Variants in CPD observed in about 807,000 individuals in gnomAD.
The protein encoded by CPD is carboxypeptidase D, also known as metallocarboxypeptidase D.
CPD carries 69 observed loss-of-function variants against 138.3 expected under a neutral mutation model. That is an observed-to-expected ratio of 0.50 (90% confidence interval 0.41 to 0.61). The LOEUF (loss-of-function observed/expected upper bound fraction) is 0.61, where lower values mean the gene tolerates loss of function less well. CPD is among the 20% of genes least tolerant of loss of function. The pLI is 0.00. For missense variants in CPD, 1,432 were observed against 1,733.3 expected, an observed-to-expected ratio of 0.83 and a Z score of 3.09; for synonymous variants, 651 against 642.1, an observed-to-expected ratio of 1.01 and a Z score of -0.21.
chr17:30,469,963 C>A lies in CPD; in HGVS notation c.*5149C>A, dbSNP rs977274158. 6.6e-6 allele frequency: 1 copy of A among 151,948 alleles called. No homozygotes were observed. The highest frequency in any genetic ancestry group is 1.5e-5 in the Non-Finnish European group (1 of 67,982). The allele number at this position is 151,948 out of a possible 1,614,324, so 9.4% of individuals were successfully genotyped here. Reference sequence around the variant, plus strand: ...ATTTATAATAGCTGATTGTTCTCAGCAAATTAAACATGATGGTCAACGCTA... The same window carrying A: ...ATTTATAATAGCTGATTGTTCTCAGAAAATTAAACATGATGGTCAACGCTA... On this transcript the variant is annotated 3_prime_UTR_variant, in exon 21 of 21. Transcript: ENST00000225719.
At chr17:30,437,517 C>G (rs1431920070) in intron 8 of CPD, among the ~76,000 whole-genome samples, 1 of 151,858 alleles carries the variant, frequency 6.6e-6, no homozygotes, top group African/African-American at 2.4e-5. Context: ...AAACCCCATC[C>G]CTACAAAAAA....
chr17:30,456,152 A>C, intron 15 of CPD, 104 bp from the exon 16 acceptor site: 1 of 855,916 alleles, frequency 1.2e-6, no homozygotes, highest in Non-Finnish European at 1.8e-6. Context: ...AGTGGAGTGC[A>C]AAATTTATTA....
chr17:30,384,202 C>A (rs1348358665), intron 1 of CPD, among the ~76,000 whole-genome samples: 2 of 152,126 alleles, frequency 1.3e-5, no homozygotes, highest in Non-Finnish European at 2.9e-5. Flanking sequence ...AAGCAGCTCA[C>A]TGAATCAGGT....
At chr17:30,453,952 C>T (rs1278015863) in intron 14 of CPD, 1 of 152,240 alleles carries the variant, frequency 6.6e-6, no homozygotes, top group African/African-American at 2.4e-5. Flanking sequence ...ACACAGGGCA[C>T]CAAGTCCCTA....
In CPD at chr17:30,462,478, A is replaced by G. The variant is rs1347349411; in HGVS notation, c.3916+9A>G. ...TGTGGTAACTGTATCAGGTAAAGACATTTTGATTTTTAGTAGTAAAAGTTA... is the reference window on the plus strand; with the variant it reads ...TGTGGTAACTGTATCAGGTAAAGACGTTTTGATTTTTAGTAGTAAAAGTTA... On this transcript the variant is annotated intron_variant, in intron 20 of 20. Transcript: ENST00000225719. 8.1e-6 allele frequency: 13 copies of G among 1,602,828 alleles called. No individual in the cohort carries two copies. The highest frequency in any genetic ancestry group is 1.3e-5 in the African/African-American group (1 of 74,606).
At chr17:30,424,162 A>G (rs1477233219) in intron 6 of CPD, among the ~76,000 whole-genome samples, 1 of 152,140 alleles carries the variant, frequency 6.6e-6, no homozygotes, top group Admixed American at 6.5e-5. Context: ...CACATTTAAG[A>G]TATACATTGG....
At chr17:30,457,454 C>T (rs996424605) in intron 17 of CPD, among the ~76,000 whole-genome samples, 1 of 152,126 alleles carries the variant, frequency 6.6e-6, no homozygotes, top group Non-Finnish European at 1.5e-5. Context: ...CCCTGTGCTG[C>T]CATGAACATT....
chr17:30,445,308 T>C (rs1169317452), intron 11 of CPD, among the ~76,000 whole-genome samples: 1 of 151,974 alleles, frequency 6.6e-6, no homozygotes, highest in Non-Finnish European at 1.5e-5. Context: ...CTACTAAAAA[T>C]ACAAAAATTA....
chr17:30,459,536 T>C (rs1460152663), intron 17 of CPD, among the ~76,000 whole-genome samples: 1 of 152,210 alleles, frequency 6.6e-6, no homozygotes, highest in Non-Finnish European at 1.5e-5. Context: ...TCAGTATCAC[T>C]GTTTTGATTA....
At chr17:30,460,476 T>C (rs1913440958) in intron 17 of CPD, among the ~76,000 whole-genome samples, 4 of 152,166 alleles carry the variant, frequency 2.6e-5, no homozygotes. Context: ...GCCTAGGTTA[T>C]GCTAGTGGCA....
At position 30,465,426 on chromosome 17, in the gene CPD, C is replaced by A. The variant is rs116917123; in HGVS notation, c.*612C>A. ...CCAAGGCTAGATCGGAACTGGTAGA[C>A]TACGCTGTAAGCAGGATTTCACTAC... On this transcript the variant is annotated 3_prime_UTR_variant, in exon 21 of 21. Transcript: ENST00000225719. 1,116 of 153,030 alleles carry A rather than the reference C, an allele frequency of 7.3e-3. 8 individuals carry two copies. Among genetic ancestry groups the A allele is most frequent in the Non-Finnish European group, 0.011 (749 of 68,262 alleles). The allele number at this position is 153,030 out of a possible 1,614,324, so 9.5% of individuals were successfully genotyped here. A position where few individuals can be genotyped will look rare whatever the true frequency, so the allele number is the denominator to read the frequency against.
At chr17:30,434,283 CTG>C (rs1167364789) in intron 8 of CPD, among the ~76,000 whole-genome samples, 5 of 152,070 alleles carry the variant, frequency 3.3e-5, no homozygotes, top group Non-Finnish European at 5.9e-5. Context: ...TGCAAAATAA[CTG>C]TAAATTTTTT....
chr17:30,411,692 T>C (rs534384382), intron 2 of CPD, among the ~76,000 whole-genome samples: 3 of 152,330 alleles, frequency 2.0e-5, no homozygotes, highest in Non-Finnish European at 2.9e-5. Context: ...TCTCGTACTG[T>C]GGTTTTCAGC....
chr17:30,379,028 C>G lies in CPD; in HGVS notation c.48C>G (p.Leu16=), dbSNP rs1390890893. 1.3e-6 allele frequency: 2 copies of G among 1,558,756 alleles called. No individual in the cohort carries two copies. The highest frequency in any genetic ancestry group is 3.6e-5 in the Admixed American group (2 of 55,510). ...GGCCGCCTTGGCGGCTAGGGCGGCT[C>G]CTGTTGCTCATGTGCCTGCTGCTGC... ...DERPPWRLGR[L]LLLMCLLLLG... The change falls in exon 1 of 21, where the codon CTC becomes CTG. Residue 16 remains leucine, a synonymous_variant. Transcript: ENST00000225719. This position sits in a 1 kb window ranked among gnomAD's most constrained non-coding sequence, Gnocchi z 7.0.
rs1296411716 is a variant in CPD at position 30,451,829 on chromosome 17, T to C, written c.3188T>C (p.Leu1063Ser). The C allele has an allele frequency of 1.2e-6, 2 of 1,614,084 alleles. No homozygotes were observed. Among genetic ancestry groups the C allele is most frequent in the Non-Finnish European group, 1.7e-6 (2 of 1,179,968 alleles). ...IGQTNARGKD[L>S]DTDFTNNASQ... is the part of the protein sequence containing the mutation. ...CAAACAAATGCTCGTGGCAAAGATT[T>C]GGATACAGACTTCACAAGTAAGACT... Residue 1063 changes from leucine to serine, a missense_variant, in exon 14 of 21, where the codon TTG (leucine) becomes TCG (serine). Physicochemically the swap from Leu to Ser is moderately radical, Grantham distance 145. This residue lies in a region of CPD where 366 missense variants were observed against 518.8 expected (regional missense o/e 0.71). Coordinates refer to ENST00000225719, the MANE Select transcript of CPD (RefSeq NM_001304.5).
intron 8 of CPD, among the ~76,000 whole-genome samples, chr17:30,438,548 T>C (rs1461459106): frequency 6.6e-6 from 1 of 152,198 alleles, no homozygotes; most frequent in Non-Finnish European, 1.5e-5. Flanking sequence ...AGGGGCCATC[T>C]TATTCCTGCT....
intron 10 of CPD, 26 bp downstream of exon 10, chr17:30,442,476 A>C: frequency 1.2e-6 from 2 of 1,602,246 alleles, no homozygotes; most frequent in Non-Finnish European, 1.7e-6. Flanking sequence ...TGAAGTATGA[A>C]ATTTCTCCCG....
In CPD at chr17:30,421,714, G is replaced by A. The variant is rs1912270758; in HGVS notation, c.1188G>A (p.Gly396=). ...TTAAAGATTCCATAACAGGATCTGG[G>A]TTAGAGAATGCAACCATCTCAGTGG... is the stretch of plus-strand genomic sequence containing the variant. The part of the protein sequence containing the change: ...GFVKDSITGS[G]LENATISVAG... The change falls in exon 4 of 21, where the codon GGG becomes GGA. Residue 396 remains glycine, a synonymous_variant. Coordinates refer to ENST00000225719, the MANE Select transcript of CPD (RefSeq NM_001304.5). The A allele has an allele frequency of 1.9e-6, 3 of 1,613,750 alleles. No individual in the cohort carries two copies. The highest frequency in any genetic ancestry group is 2.2e-5 in the South Asian group (2 of 91,056).
chr17:30,408,564 T>A (rs1010648718), intron 2 of CPD, among the ~76,000 whole-genome samples: 13 of 152,104 alleles, frequency 8.5e-5, no homozygotes, highest in Non-Finnish European at 1.6e-4. Flanking sequence ...ATTCTCTTTG[T>A]AGCAATTGTG....
Sources: gnomAD v4.1 joint callset for allele counts (sites outside exome capture counted in the v4.1 genomes callset) on GRCh38, gnomAD v4.1.1 for gene constraint, gnomAD v4.1.1 regional missense constraint, Gnocchi (gnomAD v3.1) non-coding constraint, MANE v1.5 for transcripts, NCBI Gene and HGNC (gene_info 2026-07-23, HGNC 2026-07-21) for gene names.